DOP1B: variants seen among roughly 807,000 people sequenced by gnomAD.
DOP1B encodes the protein protein DOP1B.
Under a neutral mutation model 233.5 loss-of-function variants are expected in DOP1B, and 174 were observed. The ratio of observed to expected loss-of-function variants is 0.75; its 90% CI spans 0.66 to 0.85. The LOEUF (loss-of-function observed/expected upper bound fraction) is 0.85. Ranked by LOEUF, DOP1B falls within the 40% of genes least tolerant of loss-of-function variation. DOP1B has a pLI of 0.00. For missense variants in DOP1B, 2,652 were observed against 2,846.6 expected (o/e 0.93, Z 1.56); for synonymous variants, 1,190 against 1,185.6 (o/e 1.00, Z -0.08).
At chr21:36,237,785 A>G (rs1337703641) in intron 16 of DOP1B, among the ~76,000 whole-genome samples, 1 of 152,156 alleles carries the variant, frequency 6.6e-6, no homozygotes, top group Non-Finnish European at 1.5e-5. Flanking sequence ...TAATCCCAGC[A>G]TTTTGGGAGG....
chr21:36,278,620 C>T (rs566381237), intron 30 of DOP1B, among the ~76,000 whole-genome samples: 2 of 152,298 alleles, frequency 1.3e-5, no homozygotes, highest in South Asian at 4.1e-4. Flanking sequence ...GTAATCCCAG[C>T]ATTTTGGGAG....
At chr21:36,217,659 C>T (rs1424106847) in intron 9 of DOP1B, among the ~76,000 whole-genome samples, 1 of 152,234 alleles carries the variant, frequency 6.6e-6, no homozygotes, top group Non-Finnish European at 1.5e-5. Flanking sequence ...AGGCTCTGCC[C>T]ATGATGTGCT....
At chr21:36,205,378 G>T (rs541910342) in intron 4 of DOP1B, among the ~76,000 whole-genome samples, 1 of 151,764 alleles carries the variant, frequency 6.6e-6, no homozygotes, top group Admixed American at 6.6e-5. Context: ...ATGTTTGTTG[G>T]TTTTTTGTTT....
intron 1 of DOP1B, among the ~76,000 whole-genome samples, chr21:36,157,694 C>T (rs1408411048): frequency 6.6e-6 from 1 of 152,190 alleles, no homozygotes; most frequent in African/African-American, 2.4e-5. Context: ...TTTGAAAGAC[C>T]ACATTCAAAA....
In DOP1B at chr21:36,246,095, A is replaced by G. The variant is rs1257760586; in HGVS notation, c.4115A>G (p.Glu1372Gly). ...AAGTCTTCGGAAGGGAAGAACGTGG[A>G]GTTCATCCACAGCTTGCTGCAGAGG... ...VAKSSEGKNVEFIHSLLQRCK... is the reference protein window; with the variant it reads ...VAKSSEGKNVGFIHSLLQRCK... The change falls in exon 19 of 37, where the codon GAG (glutamate) becomes GGG (glycine). Residue 1372 changes from glutamate to glycine, a missense_variant. Transcript: ENST00000691173. The surrounding 1 kb of genome is among the most constrained non-coding windows in gnomAD (Gnocchi z 5.1). The G allele has an allele frequency of 2.5e-6, 4 of 1,614,088 alleles. No homozygotes were observed. Among genetic ancestry groups the G allele is most frequent in the Non-Finnish European group, 3.4e-6 (4 of 1,180,034 alleles).
intron 2 of DOP1B, among the ~76,000 whole-genome samples, chr21:36,195,781 T>C (rs558532963): frequency 2.0e-5 from 3 of 152,240 alleles, no homozygotes; most frequent in African/African-American, 7.2e-5. Flanking sequence ...GGGAAAGTTA[T>C]GCACAGTAAC....
Position 36,277,138 on chromosome 21 carries a change from G to GA in DOP1B, c.5712+39dup, listed in dbSNP as rs773697253. ...CTGACCTGTCGTCCTTTATGGAAAT[G>GA]AGCGCCATCACGAATTGTTGCAAAG... On this transcript the variant is annotated intron_variant, in intron 28 of 36. Coordinates refer to ENST00000691173, the MANE Select transcript of DOP1B (RefSeq NM_001320714.2). 5 of 1,598,782 alleles carry GA rather than the reference G, an allele frequency of 3.1e-6. No homozygotes were observed. The African/African-American group carries it at 6.7e-5, about 21-fold the overall frequency.
At chr21:36,190,802 T>C (rs1437366169) in intron 2 of DOP1B, among the ~76,000 whole-genome samples, 1 of 152,232 alleles carries the variant, frequency 6.6e-6, no homozygotes, top group African/African-American at 2.4e-5. Flanking sequence ...GGTTTCTGGA[T>C]AGTGAAACTG....
chr21:36,180,780 C>CT (rs1052203884), intron 2 of DOP1B, among the ~76,000 whole-genome samples: 3 of 151,972 alleles, frequency 2.0e-5, no homozygotes, highest in Non-Finnish European at 4.4e-5. Flanking sequence ...ACTTGAGAGA[C>CT]TGAGGCATGA....
chr21:36,225,270 C>T (rs2066669056), intron 11 of DOP1B, among the ~76,000 whole-genome samples: 1 of 151,506 alleles, frequency 6.6e-6, no homozygotes. Context: ...TGCTCTGTCA[C>T]CCAGGCTGGA....
At chr21:36,256,088 G>C (rs2067093111) in intron 23 of DOP1B, among the ~76,000 whole-genome samples, 1 of 152,168 alleles carries the variant, frequency 6.6e-6, no homozygotes, top group African/African-American at 2.4e-5. Flanking sequence ...ATAAAAACCA[G>C]GGATTTATTT....
In DOP1B at chr21:36,208,617, A is replaced by C. The variant is rs2123488860; in HGVS notation, c.492-98A>C. The C allele has an allele frequency of 6.0e-6, 8 of 1,328,294 alleles. No homozygotes were observed. The South Asian group carries it at 1.0e-4, about 17-fold the overall frequency. The allele number at this position is 1,328,294 out of a possible 1,614,324, so 82.3% of individuals were successfully genotyped here. A position where few individuals can be genotyped will look rare whatever the true frequency, so the allele number is the denominator to read the frequency against. On this transcript the variant is annotated intron_variant, in intron 4 of 36. Coordinates refer to ENST00000691173, the MANE Select transcript of DOP1B (RefSeq NM_001320714.2). ...AGGTGGGGCTTCCCCAGCCAGGCGA[A>C]TCCGCTGTGGTTCTTCATGCAGCAT...
intron 2 of DOP1B, chr21:36,170,268 A>G (rs772625452): frequency 9.8e-5 from 33 of 336,370 alleles, no homozygotes; most frequent in Non-Finnish European, 1.8e-4. Context: ...ACCTTTTCAT[A>G]TGCTTTTTGG....
At chr21:36,224,466 C>A (rs368160195) in intron 11 of DOP1B, among the ~76,000 whole-genome samples, 1 of 151,784 alleles carries the variant, frequency 6.6e-6, no homozygotes, top group South Asian at 2.1e-4. Context: ...AGGCATGAGC[C>A]GCCGCATCTG....
At chr21:36,182,376 C>T (rs747183386) in intron 2 of DOP1B, among the ~76,000 whole-genome samples, 2 of 152,130 alleles carry the variant, frequency 1.3e-5, no homozygotes. Flanking sequence ...TCCTAAAAAT[C>T]CTGCTTTCCT....
intron 5 of DOP1B, among the ~76,000 whole-genome samples, chr21:36,209,508 G>A (rs1325375408): frequency 6.6e-6 from 1 of 152,248 alleles, no homozygotes; most frequent in East Asian, 1.9e-4. Flanking sequence ...TCTGCACGCA[G>A]AGGGTCTGCT....
At chr21:36,265,971 T>C (rs1467619271) in intron 26 of DOP1B, among the ~76,000 whole-genome samples, 2 of 151,706 alleles carry the variant, frequency 1.3e-5, no homozygotes, top group African/African-American at 2.4e-5. Context: ...CACCTAGAGA[T>C]AGCTTGAGAT....
intron 24 of DOP1B, chr21:36,260,937 G>T: frequency 7.3e-7 from 1 of 1,377,704 alleles, no homozygotes; most frequent in Non-Finnish European, 9.3e-7. Flanking sequence ...TCTGTGCAGC[G>T]TACTTTGAAC....
At position 36,164,755 on chromosome 21, in the gene DOP1B, C is replaced by T; in HGVS notation, c.22C>T (p.Leu8Phe). MDPEEQE[L>F]LNDYRYRSYS... is the part of the protein sequence containing the mutation. ...TAAGATGGATCCAGAAGAGCAGGAG[C>T]TCTTAAATGATTACAGATACAGAAG... The change falls in exon 2 of 37, where the codon CTC (leucine) becomes TTC (phenylalanine). Residue 8 changes from leucine to phenylalanine, a missense_variant. This residue lies in a region of DOP1B where 2,617 missense variants were observed against 2,794.3 expected (regional missense o/e 0.94). Coordinates refer to ENST00000691173, the MANE Select transcript of DOP1B (RefSeq NM_001320714.2). The T allele has an allele frequency of 1.2e-6, 2 of 1,604,822 alleles. No individual in the cohort carries two copies. Among genetic ancestry groups the T allele is most frequent in the Non-Finnish European group, 1.7e-6 (2 of 1,176,906 alleles).
Sources: allele counts gnomAD v4.1 joint callset (sites outside exome capture counted in the v4.1 genomes callset), GRCh38; gene constraint gnomAD v4.1.1; regional missense constraint gnomAD v4.1.1; non-coding constraint Gnocchi (gnomAD v3.1); transcripts MANE v1.5; gene names NCBI Gene and HGNC (gene_info 2026-07-23, HGNC 2026-07-21).